Variants in KLHL2 observed in about 807,000 individuals in gnomAD.
KLHL2 encodes the protein kelch-like protein 2.
In KLHL2, 15 loss-of-function variants were observed where a neutral mutation model predicts 75.8. The ratio of observed to expected loss-of-function variants is 0.20; its 90% CI spans 0.13 to 0.30. The LOEUF (loss-of-function observed/expected upper bound fraction) is 0.30. KLHL2 is among the 10% of genes least tolerant of loss of function. The probability of loss-of-function intolerance (pLI) is 1.00; values close to 1 mark genes in which losing one functional copy is unlikely to be tolerated. For synonymous variants in KLHL2, 214 were observed against 251.9 expected, an observed-to-expected ratio of 0.85 and a Z score of 1.42; for missense variants, 381 against 741.0, an observed-to-expected ratio of 0.51 and a Z score of 5.64.
At chr4:165,305,340 T>C (rs1745645870) in intron 8 of KLHL2, among the ~76,000 whole-genome samples, 1 of 152,116 alleles carries the variant, frequency 6.6e-6, no homozygotes, top group African/African-American at 2.4e-5. Flanking sequence ...TTTGCTTAAA[T>C]AACTGCTTTT....
chr4:165,221,265 A>C (rs1170651424), intron 2 of KLHL2, among the ~76,000 whole-genome samples: 1 of 152,256 alleles, frequency 6.6e-6, no homozygotes, highest in Non-Finnish European at 1.5e-5. Flanking sequence ...TAATGATAGT[A>C]AGTGTTGCAG....
At chr4:165,218,216 G>A (rs1020330522) in intron 1 of KLHL2, among the ~76,000 whole-genome samples, 3 of 152,104 alleles carry the variant, frequency 2.0e-5, no homozygotes, top group Admixed American at 6.5e-5. Context: ...TTTGGAAAAC[G>A]TAAGTCGGAT....
intron 5 of KLHL2, among the ~76,000 whole-genome samples, chr4:165,289,704 T>C (rs1744358985): frequency 6.6e-6 from 1 of 152,154 alleles, no homozygotes; most frequent in Admixed American, 6.5e-5. Context: ...CTAATGCCCT[T>C]CTACATTTAT....
intron 4 of KLHL2, among the ~76,000 whole-genome samples, chr4:165,262,289 T>C (rs572259142): frequency 3.3e-4 from 51 of 152,350 alleles, no homozygotes; most frequent in Middle Eastern, 6.8e-3. Flanking sequence ...TACATTTTCC[T>C]TGTTAGCACA....
At position 165,305,709 on chromosome 4, in the gene KLHL2, C is replaced by A; in HGVS notation, c.1023C>A (p.Ser341=). Reference sequence around the variant, plus strand: ...GGCACCAAGTAGCAGAGTTGCCTTCCAGGAGGTGCAGGGCAGGTAAGCATG... The same window carrying A: ...GGCACCAAGTAGCAGAGTTGCCTTCAAGGAGGTGCAGGGCAGGTAAGCATG... ...ERWHQVAELP[S]RRCRAGMVYM... is the part of the protein sequence containing the mutation. Residue 341 remains serine (S), a synonymous_variant, in exon 9 of 15, where the codon TCC becomes TCA. Coordinates refer to ENST00000226725, the MANE Select transcript of KLHL2 (RefSeq NM_007246.4). 6.2e-7 allele frequency: 1 copy of A among 1,612,252 alleles called. No homozygotes were observed. Among genetic ancestry groups the A allele is most frequent in the Non-Finnish European group, 8.5e-7 (1 of 1,178,314 alleles).
intron 4 of KLHL2, among the ~76,000 whole-genome samples, chr4:165,253,042 A>AT (rs1228449266): frequency 6.6e-6 from 1 of 151,838 alleles, no homozygotes; most frequent in East Asian, 1.9e-4. Flanking sequence ...TTTATTTTTT[A>AT]TTTTTTTGAG....
At chr4:165,315,057 G>A (rs1054457096) in intron 13 of KLHL2, among the ~76,000 whole-genome samples, 3 of 152,100 alleles carry the variant, frequency 2.0e-5, no homozygotes, top group Non-Finnish European at 4.4e-5. Flanking sequence ...GGCCTTGCAC[G>A]TCATCTAGTC....
chr4:165,310,879 G>C, intron 10 of KLHL2, 129 bp downstream of exon 10: 1 of 704,208 alleles, frequency 1.4e-6, no homozygotes, highest in South Asian at 1.8e-5. Context: ...TTTTGAGATG[G>C]AGTCTTGCTC....
chr4:165,296,520 G>C (rs1275730662), intron 6 of KLHL2, among the ~76,000 whole-genome samples: 1 of 152,154 alleles, frequency 6.6e-6, no homozygotes, highest in Non-Finnish European at 1.5e-5. Context: ...CAGTGTGGAG[G>C]GTTACTATAT....
intron 5 of KLHL2, chr4:165,278,504 C>CA (rs1218890996): frequency 6.2e-7 from 1 of 1,602,620 alleles, no homozygotes. Context: ...AGTGAGTCCA[C>CA]AGATTATCCC....
intron 5 of KLHL2, among the ~76,000 whole-genome samples, chr4:165,277,131 A>G (rs1240900831): frequency 6.6e-6 from 1 of 152,188 alleles, no homozygotes; most frequent in East Asian, 1.9e-4. Flanking sequence ...ATATTGATAT[A>G]CATAGTGGTT....
At chr4:165,296,370 T>C (rs1195394507) in intron 6 of KLHL2, among the ~76,000 whole-genome samples, 3 of 152,250 alleles carry the variant, frequency 2.0e-5, no homozygotes, top group Non-Finnish European at 2.9e-5. Flanking sequence ...GCCAGACTTC[T>C]TACATGACAT....
At chr4:165,270,379 G>A (rs113548942) in intron 5 of KLHL2, among the ~76,000 whole-genome samples, 33,002 of 152,090 alleles carry the variant, frequency 0.22, 4,077 homozygotes, top group Non-Finnish European at 0.29. Flanking sequence ...GAGGAGCTGC[G>A]ATCCTTTGAA....
chr4:165,304,779 T>G (rs1745600298), intron 8 of KLHL2, among the ~76,000 whole-genome samples: 1 of 152,232 alleles, frequency 6.6e-6, no homozygotes, highest in Admixed American at 6.5e-5. Flanking sequence ...TATGTAATTG[T>G]GTACTCTTCT....
chr4:165,271,775 A>G (rs552085244), intron 5 of KLHL2, among the ~76,000 whole-genome samples: 4 of 152,324 alleles, frequency 2.6e-5, no homozygotes, highest in South Asian at 2.1e-4. Context: ...CTTTGCATCT[A>G]TGAGACTCAA....
chr4:165,264,228 T>A (rs1741956349), intron 5 of KLHL2, among the ~76,000 whole-genome samples: 1 of 152,098 alleles, frequency 6.6e-6, no homozygotes, highest in African/African-American at 2.4e-5. Context: ...CTTTTTTTTT[T>A]ATTCTAATAG....
intron 4 of KLHL2, among the ~76,000 whole-genome samples, chr4:165,246,745 A>G (rs1290254829): frequency 6.6e-6 from 1 of 152,098 alleles, no homozygotes; most frequent in Admixed American, 6.6e-5. Flanking sequence ...TAATGGTTCT[A>G]TTTTGGTTGT....
intron 9 of KLHL2, among the ~76,000 whole-genome samples, chr4:165,309,639 G>T (rs1172042945): frequency 6.6e-6 from 1 of 152,178 alleles, no homozygotes; most frequent in Non-Finnish European, 1.5e-5. Flanking sequence ...TATATTTATG[G>T]ATGGTGAAAT....
intron 3 of KLHL2, among the ~76,000 whole-genome samples, chr4:165,230,990 C>A (rs747651915): frequency 6.6e-6 from 1 of 152,194 alleles, no homozygotes; most frequent in African/African-American, 2.4e-5. Flanking sequence ...CAACTGGTTT[C>A]TGTCTGAGAA....
Sources: allele counts gnomAD v4.1 joint callset (sites outside exome capture counted in the v4.1 genomes callset), GRCh38; gene constraint gnomAD v4.1.1; transcripts MANE v1.5; gene names NCBI Gene and HGNC (gene_info 2026-07-23, HGNC 2026-07-21).